SPATA16: variants seen among roughly 807,000 people sequenced by gnomAD.
The protein encoded by SPATA16 is spermatogenesis associated 16.
SPATA16 carries 36 observed loss-of-function variants against 63.3 expected under a neutral mutation model. The observed-to-expected ratio is 0.57, with a 90% CI of 0.44 to 0.75. The LOEUF is 0.75. Ranked by LOEUF, SPATA16 falls within the 30% of genes least tolerant of loss-of-function variation. The pLI is 0.00. For synonymous variants in SPATA16, 203 were observed against 216.7 expected (o/e 0.94, Z 0.56); for missense variants, 646 against 679.3 (o/e 0.95, Z 0.54).
intron 2 of SPATA16, among the ~76,000 whole-genome samples, chr3:173,088,719 G>A (rs1210554319): frequency 6.6e-6 from 1 of 152,180 alleles, no homozygotes; most frequent in Admixed American, 6.5e-5. Flanking sequence ...CTAGCCTGGA[G>A]AAAACTCAGA....
intron 2 of SPATA16, among the ~76,000 whole-genome samples, chr3:173,111,510 A>G (rs1030669808): frequency 1.3e-5 from 2 of 152,216 alleles, no homozygotes; most frequent in Admixed American, 6.5e-5. Context: ...GCAATGAGAC[A>G]GCTCAGGCAC....
intron 2 of SPATA16, among the ~76,000 whole-genome samples, chr3:173,054,760 A>G (rs1383434966): frequency 6.6e-6 from 1 of 152,134 alleles, no homozygotes; most frequent in Non-Finnish European, 1.5e-5. Flanking sequence ...TTTAAGAATA[A>G]AGAAAAGAGA....
chr3:172,950,958 C>T (rs1441259327), intron 6 of SPATA16, among the ~76,000 whole-genome samples: 12 of 151,900 alleles, frequency 7.9e-5, no homozygotes, highest in Admixed American at 4.6e-4. Flanking sequence ...ACAGGATATG[C>T]GGATTGTATT....
At chr3:173,138,774 T>A (rs1006170004) in intron 1 of SPATA16, among the ~76,000 whole-genome samples, 5 of 152,236 alleles carry the variant, frequency 3.3e-5, no homozygotes, top group Non-Finnish European at 5.9e-5. Flanking sequence ...AAGAGACGCT[T>A]TCTAACACCT....
At chr3:172,993,506 G>T (rs529565961) in intron 4 of SPATA16, among the ~76,000 whole-genome samples, 1 of 152,226 alleles carries the variant, frequency 6.6e-6, no homozygotes, top group Admixed American at 6.5e-5. Flanking sequence ...ATCTGTGAAA[G>T]ACGGAATGAT....
intron 4 of SPATA16, among the ~76,000 whole-genome samples, chr3:172,997,569 T>C (rs530398024): frequency 1.5e-4 from 23 of 152,286 alleles, no homozygotes; most frequent in Middle Eastern, 3.4e-3. Flanking sequence ...TTTTTTATTT[T>C]CTTGACAGTG....
intron 6 of SPATA16, among the ~76,000 whole-genome samples, chr3:172,950,226 C>T (rs1733398468): frequency 6.6e-6 from 1 of 152,174 alleles, no homozygotes; most frequent in South Asian, 2.1e-4. Context: ...TCACCTGCTA[C>T]TGCAAAGGAC....
At chr3:173,069,984 A>G (rs1481598182) in intron 2 of SPATA16, among the ~76,000 whole-genome samples, 1 of 151,784 alleles carries the variant, frequency 6.6e-6, no homozygotes, top group Non-Finnish European at 1.5e-5. Context: ...TGTAGAGGGC[A>G]CAGGCCTGAA....
intron 2 of SPATA16, among the ~76,000 whole-genome samples, chr3:173,097,025 T>C (rs1226199198): frequency 6.6e-6 from 1 of 152,204 alleles, no homozygotes; most frequent in Admixed American, 6.5e-5. Flanking sequence ...CATGGTCAAC[T>C]GCAGTCCAAA....
intron 8 of SPATA16, 97 bp from the exon 9 acceptor site, chr3:172,916,578 C>A: frequency 7.7e-7 from 1 of 1,304,074 alleles, no homozygotes; most frequent in Non-Finnish European, 1.1e-6. Flanking sequence ...GTATTTACAT[C>A]TTTTGAAATA....
chr3:172,935,212 C>T (rs1332215131), intron 6 of SPATA16, among the ~76,000 whole-genome samples: 1 of 152,138 alleles, frequency 6.6e-6, no homozygotes, highest in Non-Finnish European at 1.5e-5. Flanking sequence ...TGTCAATAGT[C>T]CTACCTACTT....
intron 1 of SPATA16, among the ~76,000 whole-genome samples, chr3:173,120,319 T>C (rs572883975): frequency 6.6e-6 from 1 of 152,208 alleles, no homozygotes; most frequent in Non-Finnish European, 1.5e-5. Flanking sequence ...CGGCTATGCA[T>C]CTATATCGTT....
chr3:173,128,470 C>A (rs1016436660), intron 1 of SPATA16, among the ~76,000 whole-genome samples: 6 of 152,102 alleles, frequency 3.9e-5, no homozygotes, highest in Non-Finnish European at 8.8e-5. Flanking sequence ...TCAGAATCCC[C>A]TGAAGCCTTC....
At chr3:172,941,887 A>G (rs1009155243) in intron 6 of SPATA16, among the ~76,000 whole-genome samples, 3 of 152,110 alleles carry the variant, frequency 2.0e-5, no homozygotes, top group Admixed American at 2.0e-4. Context: ...GATTTTCGTT[A>G]AAGTATTCTA....
chr3:173,053,331 C>G (rs1418106734), intron 2 of SPATA16, among the ~76,000 whole-genome samples: 1 of 152,084 alleles, frequency 6.6e-6, no homozygotes, highest in Non-Finnish European at 1.5e-5. Flanking sequence ...GAGCCAAGAT[C>G]ATACCACTGC....
chr3:172,919,324 A>G (rs73175059), intron 8 of SPATA16, among the ~76,000 whole-genome samples: 14,585 of 152,302 alleles, frequency 0.096, 989 homozygotes, highest in Non-Finnish European at 0.15. Flanking sequence ...GAAAAATACC[A>G]TAGCAGCAGG....
intron 1 of SPATA16, among the ~76,000 whole-genome samples, chr3:173,130,735 C>T (rs1296094681): frequency 6.6e-6 from 1 of 152,134 alleles, no homozygotes; most frequent in African/African-American, 2.4e-5. Flanking sequence ...AAGATTCTTG[C>T]TTTGACATTA....
At chr3:172,978,194 A>AT in intron 4 of SPATA16, among the ~76,000 whole-genome samples, 1 of 151,696 alleles carries the variant, frequency 6.6e-6, no homozygotes, top group East Asian at 1.9e-4. Context: ...TAGTATTGGA[A>AT]AGAAGCTGCC....
chr3:173,063,690 AT>A lies in SPATA16; in HGVS notation c.613-14597del, dbSNP rs557679607. ...TATATAAACTGCAGATTTACTACAG[AT>A]TTTTCCAATTTATATTTCCATTAAT... On this transcript the variant is annotated intron_variant, in intron 2 of 10. Coordinates refer to ENST00000351008, the MANE Select transcript of SPATA16 (RefSeq NM_031955.6). Among the ~76,000 whole-genome samples the A allele has an allele frequency of 3.6e-4, 55 of 152,246 alleles. No individual in the cohort carries two copies. The South Asian group carries it at 0.011, about 31-fold the overall frequency.
Sources: gnomAD v4.1 joint callset for allele counts (sites outside exome capture counted in the v4.1 genomes callset) on GRCh38, gnomAD v4.1.1 for gene constraint, MANE v1.5 for transcripts, NCBI Gene and HGNC (gene_info 2026-07-23, HGNC 2026-07-21) for gene names.